The following NTRK3 variants were observed in gnomAD, a reference collection of about 807,000 sequenced individuals.
NTRK3 encodes the protein NT-3 growth factor receptor.
Under a neutral mutation model 91.7 loss-of-function variants are expected in NTRK3, and 24 were observed. The ratio of observed to expected loss-of-function variants is 0.26; its 90% confidence interval spans 0.19 to 0.37. The LOEUF is 0.37. Among genes scored for constraint, NTRK3 ranks in the 10% least tolerant of loss-of-function variants. NTRK3 has a pLI of 1.00. For missense variants in NTRK3, 880 were observed against 1,068.9 expected (o/e 0.82, Z 2.46); for synonymous variants, 483 against 404.0 (o/e 1.20, Z -2.34).
chr15:88,100,811 A>G (rs1010204147), intron 13 of NTRK3, among the ~76,000 whole-genome samples: 58 of 152,360 alleles, frequency 3.8e-4, no homozygotes, highest in African/African-American at 1.3e-3. Context: ...CTGGCTAGCC[A>G]TATGTAGAAA....
chr15:87,898,289 T>C (rs1003231290), intron 17 of NTRK3, among the ~76,000 whole-genome samples: 14 of 152,168 alleles, frequency 9.2e-5, no homozygotes, highest in Admixed American at 2.6e-4. Context: ...TAGAAGTTAA[T>C]CTATTGCCGC....
chr15:88,038,723 A>C lies in NTRK3; in HGVS notation c.1397-5678T>G, dbSNP rs542946731. On this transcript the variant is annotated intron_variant, in intron 13 of 18. Transcript: ENST00000394480. ...CTAAAAATAAAGTCTAAAAGACAAA[A>C]ATTTTAAAATGTAAAAAAAAAGTCC... Among the ~76,000 whole-genome samples, 4 of 152,270 alleles carry C rather than the reference A, an allele frequency of 2.6e-5. No homozygotes were observed. The East Asian group carries it at 7.7e-4, about 29-fold the overall frequency.
At chr15:87,910,362 C>A (rs2067014318) in intron 17 of NTRK3, among the ~76,000 whole-genome samples, 1 of 152,178 alleles carries the variant, frequency 6.6e-6, no homozygotes, top group African/African-American at 2.4e-5. Flanking sequence ...ACATAGCAGG[C>A]TGGTGATAAA....
chr15:88,085,606 C>T (rs2048428954), intron 13 of NTRK3, among the ~76,000 whole-genome samples: 1 of 152,186 alleles, frequency 6.6e-6, no homozygotes, highest in Admixed American at 6.5e-5. Context: ...GAAATAAATG[C>T]TTGTCAGAAA....
intron 3 of NTRK3, among the ~76,000 whole-genome samples, chr15:88,227,521 A>G (rs543240636): frequency 3.9e-5 from 6 of 152,174 alleles, no homozygotes; most frequent in Non-Finnish European, 8.8e-5. Flanking sequence ...TGCACACAGA[A>G]GGATGACCAG....
intron 14 of NTRK3, among the ~76,000 whole-genome samples, chr15:87,988,234 T>C (rs180975105): frequency 6.6e-6 from 1 of 152,276 alleles, no homozygotes; most frequent in Admixed American, 6.5e-5. Context: ...ACAGCCAAAA[T>C]TGAGAGATAT....
At chr15:87,972,494 C>T (rs1397691044) in intron 14 of NTRK3, among the ~76,000 whole-genome samples, 1 of 152,190 alleles carries the variant, frequency 6.6e-6, no homozygotes, top group Non-Finnish European at 1.5e-5. Flanking sequence ...TCAGACATTA[C>T]TTGACATTAC....
At chr15:88,016,079 A>G (rs1257138144) in intron 14 of NTRK3, among the ~76,000 whole-genome samples, 2 of 152,080 alleles carry the variant, frequency 1.3e-5, no homozygotes, top group Non-Finnish European at 2.9e-5. Context: ...TAGCCTGTGC[A>G]TATAAGGCAA....
chr15:87,968,703 C>T (rs771445777), intron 14 of NTRK3, among the ~76,000 whole-genome samples: 53 of 152,216 alleles, frequency 3.5e-4, no homozygotes, highest in Non-Finnish European at 6.9e-4. Context: ...TTTGCATCTC[C>T]CAGAGTATTG....
chr15:88,122,312 G>A (rs768400132), intron 13 of NTRK3, among the ~76,000 whole-genome samples: 25 of 152,176 alleles, frequency 1.6e-4, no homozygotes, highest in Non-Finnish European at 3.1e-4. Context: ...TGTAGTAGAG[G>A]TGGTTGCTAA....
intron 14 of NTRK3, among the ~76,000 whole-genome samples, chr15:87,951,076 A>G (rs529465403): frequency 8.5e-5 from 13 of 152,312 alleles, no homozygotes; most frequent in Admixed American, 2.0e-4. Flanking sequence ...CTGGCCATCC[A>G]CTGTCCTCTG....
At chr15:87,995,697 C>T (rs1315325869) in intron 14 of NTRK3, among the ~76,000 whole-genome samples, 1 of 152,114 alleles carries the variant, frequency 6.6e-6, no homozygotes, top group African/African-American at 2.4e-5. Flanking sequence ...GCTGGTCTAG[C>T]TAGGGCAGGG....
intron 3 of NTRK3, among the ~76,000 whole-genome samples, chr15:88,254,458 T>C (rs1010199560): frequency 5.9e-5 from 9 of 152,224 alleles, no homozygotes; most frequent in African/African-American, 1.9e-4. Flanking sequence ...AGCTGAGATA[T>C]GGGTCAAGCT....
chr15:88,170,201 G>A (rs1244670044), intron 5 of NTRK3, among the ~76,000 whole-genome samples: 2 of 152,148 alleles, frequency 1.3e-5, no homozygotes, highest in Non-Finnish European at 2.9e-5. Flanking sequence ...GGACTCTAAA[G>A]CACAAAAAAT....
rs1297427166 is a variant in NTRK3, at chr15:88,240,600, T to C, written c.248+15306A>G. On this transcript the variant is annotated intron_variant, in intron 3 of 18. Coordinates refer to ENST00000394480, the Ensembl canonical transcript of NTRK3. The surrounding 1 kb of genome is among the most constrained non-coding windows in gnomAD (Gnocchi z 4.9). ...GGTCTGTAATACAGGGCTGCCCCCC[T>C]GGCTCTGGAGACAAACCTCAGCTCT... is the stretch of plus-strand genomic sequence containing the variant. Among the ~76,000 whole-genome samples, 1 of 152,198 alleles carries C rather than the reference T, an allele frequency of 6.6e-6. No homozygotes were observed. Among genetic ancestry groups the C allele is most frequent in the African/African-American group, 2.4e-5 (1 of 41,442 alleles).
intron 14 of NTRK3, among the ~76,000 whole-genome samples, chr15:87,997,155 A>G (rs1003154064): frequency 2.6e-5 from 4 of 152,242 alleles, no homozygotes; most frequent in Admixed American, 6.5e-5. Flanking sequence ...TCCCACCTGC[A>G]TAATGGGGAT....
chr15:88,047,396 G>T (rs952002060), intron 13 of NTRK3, among the ~76,000 whole-genome samples: 1 of 152,024 alleles, frequency 6.6e-6, no homozygotes, highest in Non-Finnish European at 1.5e-5. Context: ...ATGGTGGGGA[G>T]ATTCTATAGT....
At chr15:88,176,514 C>T (rs2046012839) in intron 5 of NTRK3, among the ~76,000 whole-genome samples, 1 of 152,052 alleles carries the variant, frequency 6.6e-6, no homozygotes, top group Non-Finnish European at 1.5e-5. Context: ...TAGGTAAGAC[C>T]CAAAGAAAGT....
rs569054777 is a variant in NTRK3 at position 88,230,131 on chromosome 15, G to A, written c.248+25775C>T. Among the ~76,000 whole-genome samples, 150 of 152,324 alleles carry A rather than the reference G, an allele frequency of 9.8e-4. 1 individual carries two copies. The highest frequency in any genetic ancestry group is 3.4e-3 in the African/African-American group (141 of 41,574). On this transcript the variant is annotated intron_variant, in intron 3 of 18. Transcript: ENST00000394480. ...TTGTCTCAGTTTCTTCATCTAAAAA[G>A]TGGGAATCATAACACCTACCTTGTT... is the stretch of plus-strand genomic sequence containing the variant.
Sources: allele counts gnomAD v4.1 joint callset (sites outside exome capture counted in the v4.1 genomes callset), GRCh38; gene constraint gnomAD v4.1.1; non-coding constraint Gnocchi (gnomAD v3.1); transcripts MANE v1.5; gene names NCBI Gene and HGNC (gene_info 2026-07-23, HGNC 2026-07-21).